OIT3: variants seen among roughly 807,000 people sequenced by gnomAD.
OIT3 encodes the protein oncoprotein-induced transcript 3 protein.
In OIT3, 41 loss-of-function variants were observed where a neutral mutation model predicts 52.2. The observed-to-expected ratio is 0.79, with a 90% CI of 0.61 to 1.02. The LOEUF is 1.02. OIT3 is among the 50% of genes least tolerant of loss of function. OIT3 has a pLI of 0.00. For synonymous variants in OIT3, 244 were observed against 276.9 expected, an observed-to-expected ratio of 0.88 and a Z score of 1.18; for missense variants, 634 against 715.5, an observed-to-expected ratio of 0.89 and a Z score of 1.30.
At chr10:72,925,637 G>A (rs1846163606) in intron 7 of OIT3, among the ~76,000 whole-genome samples, 1 of 152,174 alleles carries the variant, frequency 6.6e-6, no homozygotes, top group Non-Finnish European at 1.5e-5. Context: ...GGGCAGTGCA[G>A]GGTCTTGCTC....
At chr10:72,928,814 A>T (rs1205191414) in intron 7 of OIT3, among the ~76,000 whole-genome samples, 1 of 152,190 alleles carries the variant, frequency 6.6e-6, no homozygotes. Context: ...GTTCAGTGGA[A>T]TGAGGTGCTG....
chr10:72,902,206 G>A (rs1014857026), intron 3 of OIT3, among the ~76,000 whole-genome samples: 35 of 151,972 alleles, frequency 2.3e-4, no homozygotes, highest in African/African-American at 8.2e-4. Context: ...AATGCCTTGG[G>A]GTAGGGGCAA....
intron 7 of OIT3, among the ~76,000 whole-genome samples, chr10:72,926,235 C>T (rs766471880): frequency 6.6e-6 from 1 of 152,224 alleles, no homozygotes; most frequent in Non-Finnish European, 1.5e-5. Flanking sequence ...TACTATGCTG[C>T]TTTTACTCCT....
At chr10:72,923,853 T>TC (rs1846142885) in intron 6 of OIT3, among the ~76,000 whole-genome samples, 1 of 152,054 alleles carries the variant, frequency 6.6e-6, no homozygotes, top group African/African-American at 2.4e-5. Flanking sequence ...CAAACAACTG[T>TC]CCAAACAGCC....
At chr10:72,907,691 C>T (rs1845992784) in intron 4 of OIT3, among the ~76,000 whole-genome samples, 1 of 152,110 alleles carries the variant, frequency 6.6e-6, no homozygotes, top group Non-Finnish European at 1.5e-5. Context: ...ATTTCCTCTC[C>T]TCCCCATATG....
At chr10:72,932,215 G>C in intron 8 of OIT3, 139 bp from the exon 9 acceptor site, 3 of 768,018 alleles carry the variant, frequency 3.9e-6, no homozygotes, top group Non-Finnish European at 6.6e-6. Context: ...GTAAAATGGG[G>C]ATGATAAACT....
chr10:72,912,860 G>C (rs917277010), intron 5 of OIT3, among the ~76,000 whole-genome samples: 1 of 152,146 alleles, frequency 6.6e-6, no homozygotes, highest in Admixed American at 6.5e-5. Flanking sequence ...CCTTTCCCAA[G>C]TGCACTAACA....
chr10:72,900,276 G>A (rs1320895103), intron 2 of OIT3, 101 bp from the exon 3 acceptor site: 5 of 684,540 alleles, frequency 7.3e-6, no homozygotes, highest in Non-Finnish European at 1.3e-5. Context: ...GGGCAACATA[G>A]GGATACCACC....
Position 72,913,326 on chromosome 10 carries a change from C to T in OIT3, c.809C>T (p.Ser270Leu). The T allele has an allele frequency of 6.2e-7, 1 of 1,608,614 alleles. No individual in the cohort carries two copies. Among genetic ancestry groups the T allele is most frequent in the Non-Finnish European group, 8.5e-7 (1 of 1,175,620 alleles). Residue 270 changes from serine to leucine, a missense_variant, in exon 6 of 9, where the codon TCA becomes TTA. Transcript: ENST00000334011. The part of the protein sequence containing the change: ...HTCQVPVLCK[S>L]NAIEVNIPRE... ...TCTGCAGTCCCTGTGTTGTGCAAAT[C>T]AAATGCCATTGAAGTGAACATCCCC...
chr10:72,919,528 T>C (rs1181905962), intron 6 of OIT3, among the ~76,000 whole-genome samples: 1 of 152,174 alleles, frequency 6.6e-6, no homozygotes, highest in South Asian at 2.1e-4. Context: ...CTTGTGCTTG[T>C]TTTGAAGGGG....
At chr10:72,929,747 T>G (rs559662729) in intron 7 of OIT3, among the ~76,000 whole-genome samples, 381 of 152,216 alleles carry the variant, frequency 2.5e-3, no homozygotes, top group Admixed American at 4.5e-3. Flanking sequence ...TTCACCATGT[T>G]GGCCAGGCTG....
At position 72,922,560 on chromosome 10, in the gene OIT3, T is replaced by G. The variant is rs561231994; in HGVS notation, c.952-1669T>G. Among the ~76,000 whole-genome samples the G allele has an allele frequency of 5.3e-5, 8 of 152,336 alleles. No individual in the cohort carries two copies. The East Asian group carries it at 1.5e-3, about 29-fold the overall frequency. On this transcript the variant is annotated intron_variant, in intron 6 of 8. Transcript: ENST00000334011. ...TGGTTATGTTCTTCTCTATCTTGGCTATTTTCTTTGTCAGCTCCTACAATA... is the reference window on the plus strand; with the variant it reads ...TGGTTATGTTCTTCTCTATCTTGGCGATTTTCTTTGTCAGCTCCTACAATA...
At chr10:72,917,028 T>C (rs1026879763) in intron 6 of OIT3, among the ~76,000 whole-genome samples, 3 of 152,206 alleles carry the variant, frequency 2.0e-5, no homozygotes, top group Admixed American at 2.0e-4. Context: ...TGTTTTTTTC[T>C]TATAAATTTC....
At chr10:72,931,306 C>T (rs1846214520) in intron 8 of OIT3, among the ~76,000 whole-genome samples, 1 of 152,118 alleles carries the variant, frequency 6.6e-6, no homozygotes, top group African/African-American at 2.4e-5. Flanking sequence ...GCCTGGGCAA[C>T]ATAGCAAGAC....
intron 6 of OIT3, among the ~76,000 whole-genome samples, chr10:72,919,180 G>A (rs1846100292): frequency 6.6e-6 from 1 of 152,018 alleles, no homozygotes; most frequent in South Asian, 2.1e-4. Flanking sequence ...CTTGTTAGCT[G>A]TTTTCCTAGT....
chr10:72,930,778 C>CGAGAGA, intron 8 of OIT3, 141 bp downstream of exon 8: 1 of 610,570 alleles, frequency 1.6e-6, no homozygotes, highest in South Asian at 2.1e-5. Context: ...AACTGGCCAT[C>CGAGAGA]GAGAAGCTTA....
chr10:72,924,304 TTCA>T lies in OIT3; in HGVS notation c.1033_1035del (p.Ile345del). 6.2e-7 allele frequency: 1 copy of T among 1,614,134 alleles called. No individual in the cohort carries two copies. The highest frequency in any genetic ancestry group is 8.5e-7 in the Non-Finnish European group (1 of 1,179,994). ...GCAGACCCCGGGGAGCAGCGGGGAC[TTCA>T]TCATCCGAACCAGCAAGCTGCTGAT... On this transcript the variant is annotated inframe_deletion, in exon 7 of 9. Coordinates refer to ENST00000334011, the MANE Select transcript of OIT3 (RefSeq NM_152635.3).
chr10:72,903,530 CT>C (rs1408345679), intron 3 of OIT3, among the ~76,000 whole-genome samples: 2 of 152,096 alleles, frequency 1.3e-5, no homozygotes, highest in East Asian at 3.9e-4. Context: ...GCCCAGCCCC[CT>C]TTTTCTTTTA....
intron 3 of OIT3, among the ~76,000 whole-genome samples, chr10:72,903,141 G>C (rs1043013951): frequency 6.6e-6 from 1 of 152,024 alleles, no homozygotes; most frequent in Non-Finnish European, 1.5e-5. Flanking sequence ...TATATAATTT[G>C]TTCAGGCAGC....
Sources: gnomAD v4.1 joint callset for allele counts (sites outside exome capture counted in the v4.1 genomes callset) on GRCh38, gnomAD v4.1.1 for gene constraint, MANE v1.5 for transcripts, NCBI Gene and HGNC (gene_info 2026-07-23, HGNC 2026-07-21) for gene names.